ASTN2: variants seen among roughly 807,000 people sequenced by gnomAD.
ASTN2 encodes the protein astrotactin-2.
A neutral mutation model predicts 139.8 loss-of-function variants in ASTN2; 54 were observed. That is an observed-to-expected ratio of 0.39 (90% CI 0.31 to 0.48). The LOEUF is 0.48. Ranked by LOEUF, ASTN2 falls within the 20% of genes least tolerant of loss-of-function variation. ASTN2 has a pLI of 0.95. For missense variants in ASTN2, 1,565 were observed against 1,725.1 expected, an observed-to-expected ratio of 0.91 and a Z score of 1.64; for synonymous variants, 756 against 719.5, an observed-to-expected ratio of 1.05 and a Z score of -0.81.
intron 10 of ASTN2, among the ~76,000 whole-genome samples, chr9:116,954,234 A>G (rs759740494): frequency 6.6e-6 from 1 of 152,192 alleles, no homozygotes; most frequent in Non-Finnish European, 1.5e-5. Context: ...TCCAGGCCAC[A>G]ATGTTAGTGA....
At chr9:116,787,669 T>C (rs1277247580) in intron 13 of ASTN2, among the ~76,000 whole-genome samples, 2 of 152,204 alleles carry the variant, frequency 1.3e-5, no homozygotes, top group Non-Finnish European at 2.9e-5. Flanking sequence ...TTCAGTGAAA[T>C]TGAGTTCAGA....
At chr9:117,401,232 T>C (rs1416204252) in intron 1 of ASTN2, among the ~76,000 whole-genome samples, 2 of 152,134 alleles carry the variant, frequency 1.3e-5, no homozygotes, top group African/African-American at 2.4e-5. Flanking sequence ...CAGAACCTAC[T>C]ATGTGATGTT....
chr9:116,861,771 A>T (rs1832888227), intron 11 of ASTN2, among the ~76,000 whole-genome samples: 1 of 152,150 alleles, frequency 6.6e-6, no homozygotes, highest in African/African-American at 2.4e-5. Flanking sequence ...AATGAGAAGG[A>T]ATCTGGTGAC....
intron 3 of ASTN2, among the ~76,000 whole-genome samples, chr9:117,176,457 T>C (rs1830919172): frequency 1.3e-5 from 2 of 152,232 alleles, no homozygotes; most frequent in African/African-American, 4.8e-5. Context: ...ACAAAATATT[T>C]GTATTCTCAT....
At chr9:117,189,683 AGGTGAAACTGGACCCC>A (rs1230843753) in intron 3 of ASTN2, among the ~76,000 whole-genome samples, 1 of 152,208 alleles carries the variant, frequency 6.6e-6, no homozygotes, top group Non-Finnish European at 1.5e-5. Context: ...AGTATTAGTA[AGGTGAAACTGGACCCC>A]GGTGTGTCTG....
intron 1 of ASTN2, among the ~76,000 whole-genome samples, chr9:117,321,821 C>A (rs1193947052): frequency 1.3e-5 from 2 of 152,174 alleles, no homozygotes; most frequent in African/African-American, 4.8e-5. Flanking sequence ...AGCAGCCTCC[C>A]TGGCCTCTAC....
rs114420880 is a variant in ASTN2, at chr9:116,656,374, G to A, written c.2807-4581C>T. ...TAATCAAAAGGTCAACAGATGAATA[G>A]CTGAGCACTTTTCCAGTTGCTCTGA... is the stretch of plus-strand genomic sequence containing the variant. On this transcript the variant is annotated intron_variant, in intron 16 of 22. Transcript: ENST00000313400. Among the ~76,000 whole-genome samples, 1,231 of 152,274 alleles carry A rather than the reference G, an allele frequency of 8.1e-3. 20 individuals are homozygous for A. The highest frequency in any genetic ancestry group is 0.029 in the African/African-American group (1,190 of 41,546).
At chr9:116,460,295 CG>C (rs1848447607) in intron 20 of ASTN2, among the ~76,000 whole-genome samples, 1 of 152,028 alleles carries the variant, frequency 6.6e-6, no homozygotes, top group African/African-American at 2.4e-5. Context: ...GTTTCTTTTT[CG>C]GGTGATGAAA....
At chr9:117,086,850 C>A (rs912935926) in intron 5 of ASTN2, among the ~76,000 whole-genome samples, 2 of 152,172 alleles carry the variant, frequency 1.3e-5, no homozygotes, top group Admixed American at 1.3e-4. Flanking sequence ...CAGTGGGAAT[C>A]CCTGCAGGGT....
chr9:116,650,408 T>C (rs1244376875), intron 17 of ASTN2, among the ~76,000 whole-genome samples: 1 of 152,120 alleles, frequency 6.6e-6, no homozygotes, highest in Non-Finnish European at 1.5e-5. Flanking sequence ...AAAGAAGCAA[T>C]AATTTCATGG....
chr9:116,556,468 T>A (rs1380624218), intron 19 of ASTN2, among the ~76,000 whole-genome samples: 2 of 152,150 alleles, frequency 1.3e-5, no homozygotes, highest in Non-Finnish European at 2.9e-5. Flanking sequence ...TAATTTTTCG[T>A]AAATAATTAA....
At chr9:117,074,797 G>A (rs1415210504) in intron 5 of ASTN2, among the ~76,000 whole-genome samples, 1 of 152,114 alleles carries the variant, frequency 6.6e-6, no homozygotes, top group African/African-American at 2.4e-5. Context: ...ATATGTATAT[G>A]CATGCATGTG....
intron 2 of ASTN2, among the ~76,000 whole-genome samples, chr9:117,246,766 G>T (rs1434898016): frequency 6.6e-6 from 1 of 152,158 alleles, no homozygotes; most frequent in Non-Finnish European, 1.5e-5. Flanking sequence ...GAAACAAGAG[G>T]TAAATAAAGT....
intron 16 of ASTN2, among the ~76,000 whole-genome samples, chr9:116,652,153 A>G (rs942650988): frequency 1.3e-5 from 2 of 151,986 alleles, no homozygotes; most frequent in Middle Eastern, 3.4e-3. Flanking sequence ...GCAAAAACCC[A>G]TATCTACTAA....
intron 5 of ASTN2, among the ~76,000 whole-genome samples, chr9:117,082,893 T>C (rs984484995): frequency 6.6e-6 from 1 of 152,194 alleles, no homozygotes; most frequent in African/African-American, 2.4e-5. Context: ...CACACAGACA[T>C]GCCATTTTTT....
intron 19 of ASTN2, among the ~76,000 whole-genome samples, chr9:116,526,908 T>C (rs898883996): frequency 6.6e-6 from 1 of 152,280 alleles, no homozygotes; most frequent in East Asian, 1.9e-4. Flanking sequence ...TACAGCCAAC[T>C]AATTTTCAAC....
chr9:116,948,800 T>G (rs1176120566), intron 10 of ASTN2, among the ~76,000 whole-genome samples: 2 of 128,542 alleles, frequency 1.6e-5, no homozygotes, highest in Non-Finnish European at 3.3e-5. Flanking sequence ...TTTTTTTTTT[T>G]TTTTTTTTTT....
At chr9:117,023,032 G>A (rs1837934594) in intron 6 of ASTN2, among the ~76,000 whole-genome samples, 1 of 152,012 alleles carries the variant, frequency 6.6e-6, no homozygotes, top group Non-Finnish European at 1.5e-5. Context: ...ATAAATGAGA[G>A]GGGTGGGGTA....
At chr9:116,478,165 A>G (rs1271494813) in intron 20 of ASTN2, among the ~76,000 whole-genome samples, 1 of 121,202 alleles carries the variant, frequency 8.3e-6, no homozygotes, top group Non-Finnish European at 1.7e-5. Context: ...GAAGGGAAGG[A>G]GGAGGGAAGG....
Sources: gnomAD v4.1 joint callset for allele counts (sites outside exome capture counted in the v4.1 genomes callset) on GRCh38, gnomAD v4.1.1 for gene constraint, MANE v1.5 for transcripts, NCBI Gene and HGNC (gene_info 2026-07-23, HGNC 2026-07-21) for gene names.